Variants in ATG2B observed in about 807,000 individuals in gnomAD.
The protein encoded by ATG2B is autophagy-related protein 2 homolog B.
In ATG2B, 121 loss-of-function variants were observed where a neutral mutation model predicts 241.3. The ratio of observed to expected loss-of-function variants is 0.50; its 90% CI spans 0.43 to 0.58. The LOEUF is 0.58. ATG2B is among the 20% of genes least tolerant of loss of function. The probability of loss-of-function intolerance (pLI) is 0.00; values close to 1 mark genes in which losing one functional copy is unlikely to be tolerated. For missense variants in ATG2B, 2,306 were observed against 2,491.6 expected, an observed-to-expected ratio of 0.93 and a Z score of 1.59; for synonymous variants, 858 against 876.6, an observed-to-expected ratio of 0.98 and a Z score of 0.37.
chr14:96,311,492 A>C (rs377731486), intron 27 of ATG2B, 50 bp downstream of exon 27: 2 of 1,447,570 alleles, frequency 1.4e-6, no homozygotes, highest in African/African-American at 2.9e-5. Flanking sequence ...CAATTTTTTT[A>C]ATCTCTTAAA....
intron 1 of ATG2B, among the ~76,000 whole-genome samples, chr14:96,359,327 T>C (rs1447903240): frequency 6.6e-6 from 1 of 151,224 alleles, no homozygotes; most frequent in East Asian, 2.0e-4. Flanking sequence ...GCAGTAAGCC[T>C]AGATCACGCC....
At chr14:96,344,596 A>G in intron 4 of ATG2B, 58 bp downstream of exon 4, 7 of 938,070 alleles carry the variant, frequency 7.5e-6, no homozygotes, top group East Asian at 5.3e-5. Context: ...AACCTCCCTG[A>G]AAATGTAATA....
chr14:96,305,235 C>A (rs534373386), intron 31 of ATG2B, among the ~76,000 whole-genome samples: 2 of 152,292 alleles, frequency 1.3e-5, no homozygotes, highest in South Asian at 2.1e-4. Context: ...GCATGCCCGA[C>A]CCCACCTCCT....
rs540329849 is a variant in ATG2B, at chr14:96,323,995, G to T, written c.2441C>A (p.Ser814Ter). ...TGGATCTCCTTTCTCTTCCTGGAAC[G>T]ATCCTAAAAAAAAAGACTGATTTAC... Reference protein sequence around the residue: ...LELTFRELIGSFQEEKGDPSI... With the variant: ...LELTFRELIG Residue 814 changes from serine (S) to a stop codon, truncating the protein, a stop_gained, in exon 16 of 42, where the codon TCG becomes TAG. Coordinates refer to ENST00000359933, the MANE Select transcript of ATG2B (RefSeq NM_018036.7). LOFTEE classifies it high-confidence loss of function. 1.3e-6 allele frequency: 2 copies of T among 1,566,748 alleles called. No homozygotes were observed. The highest frequency in any genetic ancestry group is 1.2e-5 in the South Asian group (1 of 86,484).
Position 96,345,378 on chromosome 14 carries a change from A to G in ATG2B, c.333T>C (p.Gly111=). The change falls in exon 3 of 42, where the codon GGT becomes GGC. Residue 111 remains glycine, a synonymous_variant. Coordinates refer to ENST00000359933, the MANE Select transcript of ATG2B (RefSeq NM_018036.7). ...AACTTGACCAATACATAGGCTCAGA[A>G]CCAGTTGCTGTGGAAAATATAAATT... ...VFRPRPRPAT[G]SEPMYWSSFM... is the part of the protein sequence containing the mutation. 1 of 1,596,398 alleles carries G rather than the reference A, an allele frequency of 6.3e-7. No homozygotes were observed.
At chr14:96,310,221 G>A (rs1031365914) in intron 28 of ATG2B, among the ~76,000 whole-genome samples, 2 of 152,134 alleles carry the variant, frequency 1.3e-5, no homozygotes, top group African/African-American at 4.8e-5. Flanking sequence ...TTTTTAAAAG[G>A]GAATAAATAG....
intron 34 of ATG2B, among the ~76,000 whole-genome samples, chr14:96,301,339 C>T (rs181645039): frequency 6.6e-6 from 1 of 152,046 alleles, no homozygotes; most frequent in African/African-American, 2.4e-5. Flanking sequence ...AGACTGGAAC[C>T]CAGGTCTGAC....
chr14:96,357,234 T>C lies in ATG2B; in HGVS notation c.162+5581A>G, dbSNP rs144359288. 3.3e-5 allele frequency among the ~76,000 whole-genome samples: 5 copies of C among 152,300 alleles called. No individual in the cohort carries two copies. In the East Asian group the frequency reaches 9.7e-4, roughly 29 times the overall value. On this transcript the variant is annotated intron_variant, in intron 1 of 41. Transcript: ENST00000359933. ...TAACTTCCCTTGACTTCTGTAACACTTCACTCTCTCAATCTTTTTTCTGAT... is the reference window on the plus strand; with the variant it reads ...TAACTTCCCTTGACTTCTGTAACACCTCACTCTCTCAATCTTTTTTCTGAT...
intron 1 of ATG2B, among the ~76,000 whole-genome samples, chr14:96,353,471 A>C (rs544551113): frequency 1.1e-3 from 168 of 148,986 alleles, no homozygotes; most frequent in African/African-American, 4.2e-3. Context: ...CTAAAAACCC[A>C]AAAAATTAGC....
At chr14:96,331,099 T>C (rs927775324) in intron 11 of ATG2B, among the ~76,000 whole-genome samples, 2 of 152,312 alleles carry the variant, frequency 1.3e-5, no homozygotes, top group African/African-American at 4.8e-5. Flanking sequence ...TTAAAGAAAC[T>C]TGACAAGAGC....
chr14:96,358,618 A>T (rs1888542677), intron 1 of ATG2B, among the ~76,000 whole-genome samples: 1 of 152,182 alleles, frequency 6.6e-6, no homozygotes, highest in African/African-American at 2.4e-5. Flanking sequence ...CTTGTAGCAT[A>T]AGGTACCTTG....
chr14:96,352,642 A>T (rs1162153932), intron 1 of ATG2B, among the ~76,000 whole-genome samples: 1 of 151,752 alleles, frequency 6.6e-6, no homozygotes, highest in Non-Finnish European at 1.5e-5. Context: ...ATACAAAAAA[A>T]TGCTTATAGC....
At chr14:96,352,285 A>G (rs1888345888) in intron 1 of ATG2B, among the ~76,000 whole-genome samples, 2 of 152,122 alleles carry the variant, frequency 1.3e-5, no homozygotes, top group African/African-American at 4.8e-5. Context: ...ACAGTACATA[A>G]TACTCGAGGG....
chr14:96,308,270 A>ATATATATATT (rs71103512), intron 29 of ATG2B, among the ~76,000 whole-genome samples: 1 of 27,902 alleles, frequency 3.6e-5, no homozygotes, highest in Non-Finnish European at 5.9e-5. Context: ...ATATATATAT[A>ATATATATATT]TATATATATA....
intron 36 of ATG2B, among the ~76,000 whole-genome samples, chr14:96,293,960 A>G (rs1488546407): frequency 1.3e-5 from 2 of 152,252 alleles, no homozygotes; most frequent in Non-Finnish European, 2.9e-5. Flanking sequence ...ATCACTTAAG[A>G]TACATGTTTT....
chr14:96,308,217 TAAATATATATATAC>T lies in ATG2B; in HGVS notation c.4303+1222_4303+1235del, dbSNP rs1172160290. Among the ~76,000 whole-genome samples the T allele has an allele frequency of 2.6e-3, 201 of 78,274 alleles. 6 individuals carry two copies. The highest frequency in any genetic ancestry group is 5.7e-3 in the Middle Eastern group (1 of 176). 51.4% of individuals were successfully genotyped at this position (78,274 alleles called of 152,430 possible). A position where few individuals can be genotyped will look rare whatever the true frequency, so the allele number is the denominator to read the frequency against. ...ATATATACATATATATATAAATACA[TAAATATATATATAC>T]ATATATATATATATATATATACACA... is the stretch of plus-strand genomic sequence containing the variant. On this transcript the variant is annotated intron_variant, in intron 29 of 41. Coordinates refer to ENST00000359933, the MANE Select transcript of ATG2B (RefSeq NM_018036.7).
intron 23 of ATG2B, among the ~76,000 whole-genome samples, chr14:96,314,137 C>T (rs1364514197): frequency 6.6e-6 from 1 of 152,198 alleles, no homozygotes. Flanking sequence ...CTTCTCTACT[C>T]CTACCAGATA....
intron 33 of ATG2B, among the ~76,000 whole-genome samples, chr14:96,302,639 T>C (rs1295021866): frequency 6.6e-6 from 1 of 152,124 alleles, no homozygotes; most frequent in African/African-American, 2.4e-5. Flanking sequence ...AAATGGATAA[T>C]GTTGTACTTA....
At chr14:96,340,093 T>C (rs1430046114) in intron 6 of ATG2B, among the ~76,000 whole-genome samples, 1 of 80,016 alleles carries the variant, frequency 1.2e-5, no homozygotes, top group East Asian at 8.2e-4. Flanking sequence ...TATGAATATA[T>C]GCTATATAGA....
Sources: allele counts gnomAD v4.1 joint callset (sites outside exome capture counted in the v4.1 genomes callset), GRCh38; gene constraint gnomAD v4.1.1; transcripts MANE v1.5; gene names NCBI Gene and HGNC (gene_info 2026-07-23, HGNC 2026-07-21).